Variants in CNTNAP2 observed in about 807,000 individuals in gnomAD.
CNTNAP2 encodes the protein contactin associated protein 2.
A neutral mutation model predicts 155.2 loss-of-function variants in CNTNAP2; 98 were observed. That is an observed-to-expected ratio of 0.63 (90% CI 0.54 to 0.75). CNTNAP2 has a LOEUF of 0.75. Among genes scored for constraint, CNTNAP2 ranks in the 30% least tolerant of loss-of-function variants. The pLI is 0.00. For synonymous variants in CNTNAP2, 651 were observed against 631.2 expected, an observed-to-expected ratio of 1.03 and a Z score of -0.47; for missense variants, 1,727 against 1,688.1, an observed-to-expected ratio of 1.02 and a Z score of -0.40.
chr7:146,502,244 T>TA (rs1253023394), intron 1 of CNTNAP2, among the ~76,000 whole-genome samples: 1 of 136,022 alleles, frequency 7.4e-6, no homozygotes, highest in East Asian at 2.0e-4. Flanking sequence ...TATATATATA[T>TA]ATATATATAT....
chr7:147,022,861 T>G (rs1374373415), intron 3 of CNTNAP2, among the ~76,000 whole-genome samples: 1 of 152,188 alleles, frequency 6.6e-6, no homozygotes, highest in African/African-American at 2.4e-5. Context: ...AAGAACTTCA[T>G]TATATTCATC....
chr7:146,900,130 G>T (rs182701397), intron 3 of CNTNAP2, among the ~76,000 whole-genome samples: 76 of 152,080 alleles, frequency 5.0e-4, no homozygotes, highest in African/African-American at 1.8e-3. Context: ...GATAAGTAAA[G>T]GCCTAAACAG....
At chr7:148,003,882 C>A (rs2116896596) in intron 15 of CNTNAP2, among the ~76,000 whole-genome samples, 1 of 152,256 alleles carries the variant, frequency 6.6e-6, no homozygotes, top group South Asian at 2.1e-4. Flanking sequence ...ATGCCTAGGC[C>A]AGTGCCTAGC....
At chr7:146,337,828 A>G (rs115072603) in intron 1 of CNTNAP2, among the ~76,000 whole-genome samples, 2,136 of 152,288 alleles carry the variant, frequency 0.014, 49 homozygotes, top group African/African-American at 0.047. Flanking sequence ...AAGAATTTGT[A>G]TCTTGCATGT....
At chr7:147,808,511 A>T (rs1041881384) in intron 13 of CNTNAP2, among the ~76,000 whole-genome samples, 2 of 152,202 alleles carry the variant, frequency 1.3e-5, no homozygotes, top group Non-Finnish European at 2.9e-5. Context: ...TAGATTTGAC[A>T]TAAATTGGTT....
chr7:146,250,945 G>A (rs553679864), intron 1 of CNTNAP2, among the ~76,000 whole-genome samples: 2 of 152,256 alleles, frequency 1.3e-5, no homozygotes, highest in East Asian at 1.9e-4. Flanking sequence ...GTGAGCTCAA[G>A]GTGACAAAAT....
At chr7:147,192,355 T>A (rs1028999435) in intron 8 of CNTNAP2, among the ~76,000 whole-genome samples, 3 of 152,114 alleles carry the variant, frequency 2.0e-5, no homozygotes, top group African/African-American at 7.2e-5. Flanking sequence ...ATGTCTTTTG[T>A]CACATATCAC....
At chr7:147,622,674 C>CA (rs1794886048) in intron 12 of CNTNAP2, among the ~76,000 whole-genome samples, 1 of 151,468 alleles carries the variant, frequency 6.6e-6, no homozygotes, top group Non-Finnish European at 1.5e-5. Flanking sequence ...CTGTCTACAT[C>CA]AAAAAAGAAG....
At chr7:147,804,616 C>T (rs1163473464) in intron 13 of CNTNAP2, among the ~76,000 whole-genome samples, 6 of 151,884 alleles carry the variant, frequency 4.0e-5, no homozygotes, top group Admixed American at 1.3e-4. Context: ...TACAGTGGTG[C>T]GATCTCGGCT....
chr7:148,150,885 G>A, intron 17 of CNTNAP2, among the ~76,000 whole-genome samples: 1 of 151,760 alleles, frequency 6.6e-6, no homozygotes, highest in East Asian at 1.9e-4. Context: ...TGGGACTATA[G>A]GCTCATGCCA....
intron 1 of CNTNAP2, among the ~76,000 whole-genome samples, chr7:146,392,993 A>T (rs1371767357): frequency 6.6e-6 from 1 of 152,230 alleles, no homozygotes; most frequent in Non-Finnish European, 1.5e-5. Flanking sequence ...TGTGGTACCC[A>T]GACCAATGAC....
intron 1 of CNTNAP2, among the ~76,000 whole-genome samples, chr7:146,251,289 A>G (rs1214580343): frequency 6.6e-6 from 1 of 152,134 alleles, no homozygotes; most frequent in African/African-American, 2.4e-5. Flanking sequence ...AAATTTTGTT[A>G]TCTTAATTTT....
At chr7:146,163,581 C>CTATATA (rs1491503784) in intron 1 of CNTNAP2, among the ~76,000 whole-genome samples, 1 of 84,924 alleles carries the variant, frequency 1.2e-5, no homozygotes, top group African/African-American at 4.9e-5. Flanking sequence ...ATCTATCTAT[C>CTATATA]TATCTATATA....
chr7:147,795,794 A>T lies in CNTNAP2; in HGVS notation c.2099-107771A>T, dbSNP rs1797884286. 2.6e-5 allele frequency among the ~76,000 whole-genome samples: 4 copies of T among 152,048 alleles called. No individual in the cohort carries two copies. In the South Asian group the frequency reaches 8.3e-4, roughly 31 times the overall value. On this transcript the variant is annotated intron_variant, in intron 13 of 23. Coordinates refer to ENST00000361727, the MANE Select transcript of CNTNAP2 (RefSeq NM_014141.6). ...TATTCATATAACCTCTCTTGGACTT[A>T]TTTTCTGACATATAAAATGAGAGGG...
chr7:147,756,285 T>C (rs543549092), intron 13 of CNTNAP2, among the ~76,000 whole-genome samples: 1 of 152,360 alleles, frequency 6.6e-6, no homozygotes, highest in Non-Finnish European at 1.5e-5. Flanking sequence ...CAAATATGTT[T>C]TCTGACTACA....
intron 13 of CNTNAP2, among the ~76,000 whole-genome samples, chr7:147,861,070 T>C (rs1563114688): frequency 6.6e-6 from 1 of 152,232 alleles, no homozygotes; most frequent in Non-Finnish European, 1.5e-5. Flanking sequence ...TTGTAGGTGT[T>C]CCTTTCTATG....
chr7:146,622,598 T>A (rs557464559), intron 1 of CNTNAP2, among the ~76,000 whole-genome samples: 119 of 152,292 alleles, frequency 7.8e-4, no homozygotes, highest in African/African-American at 2.8e-3. Context: ...TATAATCAAT[T>A]ACCATGTCAA....
chr7:147,753,929 CAT>C (rs1163518294), intron 13 of CNTNAP2, among the ~76,000 whole-genome samples: 1 of 152,114 alleles, frequency 6.6e-6, no homozygotes, highest in Non-Finnish European at 1.5e-5. Context: ...GAATAGGAAA[CAT>C]AACATCAGTG....
intron 1 of CNTNAP2, among the ~76,000 whole-genome samples, chr7:146,498,504 A>G (rs565447010): frequency 6.6e-6 from 1 of 152,288 alleles, no homozygotes; most frequent in African/African-American, 2.4e-5. Flanking sequence ...TTAAAATTCT[A>G]TAAGCTTTTC....
Sources: allele counts gnomAD v4.1 joint callset (sites outside exome capture counted in the v4.1 genomes callset), GRCh38; gene constraint gnomAD v4.1.1; transcripts MANE v1.5; gene names NCBI Gene and HGNC (gene_info 2026-07-23, HGNC 2026-07-21).